The following ARHGEF38 variants were observed in gnomAD, a reference collection of about 807,000 sequenced individuals.
ARHGEF38 encodes the protein Rho guanine nucleotide exchange factor (GEF) 38.
Under a neutral mutation model 79.9 loss-of-function variants are expected in ARHGEF38, and 79 were observed. The ratio of observed to expected loss-of-function variants is 0.99; its 90% confidence interval spans 0.82 to 1.19. ARHGEF38 has a LOEUF of 1.19. Ranked by LOEUF, ARHGEF38 falls within the 50% of genes most tolerant of loss-of-function variation. The probability of loss-of-function intolerance (pLI) is 0.00; values close to 1 mark genes in which losing one functional copy is unlikely to be tolerated. For synonymous variants in ARHGEF38, 366 were observed against 328.3 expected (o/e 1.11, Z -1.24); for missense variants, 962 against 907.2 (o/e 1.06, Z -0.78).
rs1727216948 is a variant in ARHGEF38, at chr4:105,589,422, T to C, written c.371T>C (p.Leu124Pro). The change falls in exon 2 of 14, where the codon CTG becomes CCG. Residue 124 changes from leucine to proline, a missense_variant. Transcript: ENST00000420470. ...ELCVREVVQP[L>P]RNKKTDRLDV... ...TGTGTTAGGGAAGTGGTTCAGCCCC[T>C]GAGAAATAAAAAGGTAAATATATAT... 5 of 1,605,460 alleles carry C rather than the reference T, an allele frequency of 3.1e-6. No homozygotes were observed. The East Asian group carries it at 8.9e-5, about 29-fold the overall frequency.
intron 9 of ARHGEF38, among the ~76,000 whole-genome samples, chr4:105,657,649 C>G (rs1218159452): frequency 6.6e-6 from 1 of 152,024 alleles, no homozygotes; most frequent in Non-Finnish European, 1.5e-5. Flanking sequence ...AGTCAAGTCA[C>G]AAACATAGTA....
At chr4:105,609,932 CA>C (rs1728217485) in intron 2 of ARHGEF38, among the ~76,000 whole-genome samples, 1 of 152,040 alleles carries the variant, frequency 6.6e-6, no homozygotes, top group South Asian at 2.1e-4. Flanking sequence ...GCACTGTTTA[CA>C]ATAGCAAAGA....
At chr4:105,660,939 G>A (rs1730538090) in intron 10 of ARHGEF38, among the ~76,000 whole-genome samples, 1 of 152,046 alleles carries the variant, frequency 6.6e-6, no homozygotes, top group African/African-American at 2.4e-5. Flanking sequence ...ACCAATTTTA[G>A]AACATTGTCG....
intron 1 of ARHGEF38, among the ~76,000 whole-genome samples, chr4:105,557,827 C>A (rs141449172): frequency 1.3e-5 from 2 of 152,210 alleles, no homozygotes; most frequent in East Asian, 3.9e-4. Context: ...TTTGTTATAG[C>A]AGCCCAAACC....
intron 5 of ARHGEF38, among the ~76,000 whole-genome samples, chr4:105,640,654 A>G (rs1012737767): frequency 2.0e-5 from 3 of 152,140 alleles, no homozygotes; most frequent in Non-Finnish European, 2.9e-5. Context: ...AGTTTCTTCT[A>G]TTCCTCACAG....
intron 3 of ARHGEF38, among the ~76,000 whole-genome samples, chr4:105,617,721 A>G (rs1162425828): frequency 2.0e-5 from 3 of 152,218 alleles, no homozygotes; most frequent in Non-Finnish European, 4.4e-5. Flanking sequence ...ATCTTTACAA[A>G]TAACAATTAT....
rs1731263036 is a variant in ARHGEF38 at position 105,680,242 on chromosome 4, A to C, written c.*2305A>C. 2 of 409,422 alleles carry C rather than the reference A, an allele frequency of 4.9e-6. No individual in the cohort carries two copies. The highest frequency in any genetic ancestry group is 9.2e-6 in the Non-Finnish European group (2 of 218,262). 25.4% of individuals were successfully genotyped at this position (409,422 alleles called of 1,614,324 possible). A position where few individuals can be genotyped will look rare whatever the true frequency, so the allele number is the denominator to read the frequency against. On this transcript the variant is annotated 3_prime_UTR_variant, in exon 14 of 14. Transcript: ENST00000420470. ...AAGTCACTAAAATCTGTAGTTATATAATCTTACATAAAGCATATGCAAAAT... is the reference window on the plus strand; with the variant it reads ...AAGTCACTAAAATCTGTAGTTATATCATCTTACATAAAGCATATGCAAAAT...
At chr4:105,574,129 C>T (rs1726368589) in intron 1 of ARHGEF38, among the ~76,000 whole-genome samples, 1 of 152,146 alleles carries the variant, frequency 6.6e-6, no homozygotes, top group African/African-American at 2.4e-5. Flanking sequence ...ATTTAGTTTT[C>T]CACACATGAG....
At chr4:105,580,945 G>A (rs368074100) in intron 1 of ARHGEF38, among the ~76,000 whole-genome samples, 2 of 152,108 alleles carry the variant, frequency 1.3e-5, no homozygotes, top group East Asian at 3.8e-4. Context: ...AAACTGCTGG[G>A]ATTACAGGCA....
In ARHGEF38 at chr4:105,680,114, A is replaced by T. The variant is rs1159146447; in HGVS notation, c.*2177A>T. On this transcript the variant is annotated 3_prime_UTR_variant, in exon 14 of 14. Transcript: ENST00000420470. ...GACATCTCATTTTCATCTGTGTTTT[A>T]TAAAGGAGGAAATTGAGGACCTCAC... The T allele has an allele frequency of 2.7e-6, 2 of 731,868 alleles. No homozygotes were observed. Among genetic ancestry groups the T allele is most frequent in the African/African-American group, 3.5e-5 (2 of 57,668 alleles). The allele number at this position is 731,868 out of a possible 1,614,324, so 45.3% of individuals were successfully genotyped here. A position where few individuals can be genotyped will look rare whatever the true frequency, so the allele number is the denominator to read the frequency against.
chr4:105,597,966 T>A (rs1727655867), intron 2 of ARHGEF38, among the ~76,000 whole-genome samples: 1 of 152,184 alleles, frequency 6.6e-6, no homozygotes, highest in Admixed American at 6.5e-5. Context: ...AAGGATAAAA[T>A]TTTTCCTCTG....
chr4:105,569,667 G>T (rs1726120356), intron 1 of ARHGEF38, among the ~76,000 whole-genome samples: 1 of 152,220 alleles, frequency 6.6e-6, no homozygotes, highest in Admixed American at 6.5e-5. Context: ...TCAGGAGCCA[G>T]ACTGGCTTAG....
At chr4:105,608,743 A>G (rs1280301402) in intron 2 of ARHGEF38, among the ~76,000 whole-genome samples, 1 of 151,596 alleles carries the variant, frequency 6.6e-6, no homozygotes, top group Non-Finnish European at 1.5e-5. Context: ...CATGTGCAGG[A>G]TGTGCAGGTT....
intron 2 of ARHGEF38, among the ~76,000 whole-genome samples, chr4:105,603,490 C>A (rs1175812506): frequency 6.6e-6 from 1 of 152,138 alleles, no homozygotes; most frequent in Non-Finnish European, 1.5e-5. Context: ...GGCACTCTTA[C>A]AGGTACTTTC....
intron 3 of ARHGEF38, among the ~76,000 whole-genome samples, chr4:105,622,624 C>G (rs769146937): frequency 6.6e-6 from 1 of 152,120 alleles, no homozygotes; most frequent in Non-Finnish European, 1.5e-5. Context: ...ACAAGAAATC[C>G]GTAACTCACA....
intron 1 of ARHGEF38, among the ~76,000 whole-genome samples, chr4:105,566,129 T>C (rs769897790): frequency 1.3e-5 from 2 of 152,234 alleles, no homozygotes; most frequent in Non-Finnish European, 2.9e-5. Flanking sequence ...TTCCTCATTG[T>C]CGAGATCTGT....
intron 2 of ARHGEF38, among the ~76,000 whole-genome samples, chr4:105,595,072 T>C (rs1242001892): frequency 6.6e-6 from 1 of 152,170 alleles, no homozygotes; most frequent in Non-Finnish European, 1.5e-5. Context: ...CTTATTTTTA[T>C]TTTTCTTTGT....
At chr4:105,631,214 T>A (rs191755011) in intron 4 of ARHGEF38, 169 bp downstream of exon 4, 88 of 1,261,406 alleles carry the variant, frequency 7.0e-5, no homozygotes, top group Admixed American at 5.5e-4. Flanking sequence ...GAAGCCCTGA[T>A]TGACTTTTTT....
intron 3 of ARHGEF38, among the ~76,000 whole-genome samples, chr4:105,620,144 A>T (rs935027785): frequency 7.2e-5 from 11 of 152,232 alleles, no homozygotes; most frequent in Non-Finnish European, 1.6e-4. Context: ...AGTGGATTTT[A>T]AAATCTTGAC....
Sources: gnomAD v4.1 joint callset for allele counts (sites outside exome capture counted in the v4.1 genomes callset) on GRCh38, gnomAD v4.1.1 for gene constraint, MANE v1.5 for transcripts, NCBI Gene and HGNC (gene_info 2026-07-23, HGNC 2026-07-21) for gene names.